Variants in CSMD1 observed in about 807,000 individuals in gnomAD.
The protein encoded by CSMD1 is CUB and sushi domain-containing protein 1.
Under a neutral mutation model 417.5 loss-of-function variants are expected in CSMD1, and 213 were observed. The observed-to-expected ratio is 0.51, with a 90% CI of 0.46 to 0.57. The LOEUF (loss-of-function observed/expected upper bound fraction) is 0.57. CSMD1 is among the 20% of genes least tolerant of loss of function. The pLI, the probability that CSMD1 is intolerant of heterozygous loss-of-function variation, is 0.00. For synonymous variants in CSMD1, 2,862 were observed against 1,736.8 expected (o/e 1.65, Z -16.11); for missense variants, 6,923 against 4,529.7 (o/e 1.53, Z -15.17).
intron 2 of CSMD1, among the ~76,000 whole-genome samples, chr8:4,473,559 C>T (rs544313137): frequency 6.6e-6 from 1 of 152,312 alleles, no homozygotes; most frequent in East Asian, 1.9e-4. Flanking sequence ...ACTTCTGCCT[C>T]TCCATATCAA....
chr8:4,386,745 G>T (rs1563119756), intron 3 of CSMD1, among the ~76,000 whole-genome samples: 2 of 152,282 alleles, frequency 1.3e-5, no homozygotes, highest in Middle Eastern at 3.4e-3. Flanking sequence ...TGCTAATGAT[G>T]ACTTTAATTA....
intron 5 of CSMD1, among the ~76,000 whole-genome samples, chr8:3,780,301 C>G (rs1799106389): frequency 6.6e-6 from 1 of 152,192 alleles, no homozygotes; most frequent in South Asian, 2.1e-4. Flanking sequence ...AGTTCGTATT[C>G]CGCAAATGAG....
At chr8:2,949,649 T>C (rs932129914) in intron 67 of CSMD1, among the ~76,000 whole-genome samples, 2 of 147,278 alleles carry the variant, frequency 1.4e-5, no homozygotes, top group African/African-American at 2.4e-5. Context: ...TTACAATATA[T>C]CCATATGTTA....
At chr8:4,508,215 G>A (rs778341707) in intron 2 of CSMD1, among the ~76,000 whole-genome samples, 6 of 147,426 alleles carry the variant, frequency 4.1e-5, no homozygotes, top group South Asian at 4.3e-4. Flanking sequence ...CCCTGATACC[G>A]CCCATACTCA....
At chr8:4,747,733 A>G (rs1159792801) in intron 1 of CSMD1, among the ~76,000 whole-genome samples, 1 of 152,122 alleles carries the variant, frequency 6.6e-6, no homozygotes, top group Non-Finnish European at 1.5e-5. Flanking sequence ...TGAGATGCCA[A>G]TGTCCTGTGG....
chr8:4,741,956 C>A (rs1048018910), intron 1 of CSMD1, among the ~76,000 whole-genome samples: 3 of 143,924 alleles, frequency 2.1e-5, no homozygotes, highest in Non-Finnish European at 3.0e-5. Context: ...ATCTTAGCCT[C>A]CAGAGAAGCT....
chr8:3,841,813 G>T (rs527932102), intron 5 of CSMD1, among the ~76,000 whole-genome samples: 1 of 151,702 alleles, frequency 6.6e-6, no homozygotes, highest in South Asian at 2.1e-4. Flanking sequence ...CCCATGATCT[G>T]TGTTCAAAGC....
intron 26 of CSMD1, among the ~76,000 whole-genome samples, chr8:3,252,275 C>G (rs987635993): frequency 5.3e-5 from 8 of 152,108 alleles, no homozygotes; most frequent in African/African-American, 1.9e-4. Flanking sequence ...GAATGAAGGG[C>G]TGTTGAATTT....
intron 11 of CSMD1, chr8:3,469,261 C>G (rs12681193): frequency 0.79 from 121,226 of 153,552 alleles, 48,669 homozygotes; most frequent in African/African-American, 0.95. Context: ...TCTATCACAA[C>G]AAATTGTATG....
chr8:3,241,534 A>G (rs954724109), intron 26 of CSMD1, among the ~76,000 whole-genome samples: 4 of 152,296 alleles, frequency 2.6e-5, no homozygotes, highest in Non-Finnish European at 1.5e-5. Context: ...GTCTTGGGCC[A>G]GAGTTCCAGG....
intron 12 of CSMD1, among the ~76,000 whole-genome samples, chr8:3,426,249 G>C (rs981488499): frequency 6.6e-6 from 1 of 152,046 alleles, no homozygotes; most frequent in African/African-American, 2.4e-5. Context: ...ACTCCTAAAC[G>C]TTCCATCCTG....
chr8:2,987,846 C>A (rs138161190), intron 54 of CSMD1, among the ~76,000 whole-genome samples: 1 of 152,184 alleles, frequency 6.6e-6, no homozygotes, highest in African/African-American at 2.4e-5. Context: ...TTCCCATCCA[C>A]TTCCTTAAGC....
At chr8:3,460,106 A>G (rs1425882782) in intron 12 of CSMD1, among the ~76,000 whole-genome samples, 1 of 152,018 alleles carries the variant, frequency 6.6e-6, no homozygotes, top group Non-Finnish European at 1.5e-5. Flanking sequence ...CAATTAAACA[A>G]TTGTTGGGAT....
chr8:4,344,036 A>G (rs573847434), intron 3 of CSMD1, among the ~76,000 whole-genome samples: 3 of 152,296 alleles, frequency 2.0e-5, no homozygotes, highest in Non-Finnish European at 2.9e-5. Context: ...AATGTATACA[A>G]ATAGGTGTGT....
chr8:4,467,122 T>TAAAAAAAA (rs35481238), intron 2 of CSMD1, among the ~76,000 whole-genome samples: 5 of 86,242 alleles, frequency 5.8e-5, no homozygotes, highest in East Asian at 3.4e-4. Context: ...TTCTTCAGAG[T>TAAAAAAAA]AAAAAAAAAA....
chr8:3,970,405 G>A (rs151246243), intron 5 of CSMD1, among the ~76,000 whole-genome samples: 2 of 152,146 alleles, frequency 1.3e-5, no homozygotes, highest in South Asian at 2.1e-4. Flanking sequence ...GATTGATTAG[G>A]AGGGAACAAT....
intron 2 of CSMD1, among the ~76,000 whole-genome samples, chr8:4,543,832 G>C (rs1362176057): frequency 1.3e-5 from 2 of 152,000 alleles, no homozygotes; most frequent in Non-Finnish European, 2.9e-5. Context: ...ATTCTACTAG[G>C]AATGTGGTGG....
At chr8:4,087,784 T>A (rs1034780178) in intron 3 of CSMD1, among the ~76,000 whole-genome samples, 1 of 152,286 alleles carries the variant, frequency 6.6e-6, no homozygotes, top group East Asian at 1.9e-4. Context: ...CTCTTTTATA[T>A]TGTCTCACAT....
chr8:3,409,328 C>G, intron 13 of CSMD1, 95 bp downstream of exon 13: 3 of 1,177,886 alleles, frequency 2.5e-6, no homozygotes, highest in Non-Finnish European at 3.4e-6. Flanking sequence ...TGAAAGCTGC[C>G]CTCCCTAAAT....
Sources: gnomAD v4.1 joint callset for allele counts (sites outside exome capture counted in the v4.1 genomes callset) on GRCh38, gnomAD v4.1.1 for gene constraint, MANE v1.5 for transcripts, NCBI Gene and HGNC (gene_info 2026-07-23, HGNC 2026-07-21) for gene names.